Variants in TACC2 observed in about 807,000 individuals in gnomAD.
TACC2 encodes the protein transforming acidic coiled-coil containing protein 2.
A neutral mutation model predicts 227.3 loss-of-function variants in TACC2; 137 were observed. The ratio of observed to expected loss-of-function variants is 0.60; its 90% CI spans 0.52 to 0.69. TACC2 has a LOEUF of 0.69. Ranked by LOEUF, TACC2 falls within the 30% of genes least tolerant of loss-of-function variation. TACC2 has a pLI of 0.00. For missense variants in TACC2, 3,470 were observed against 3,694.4 expected (o/e 0.94, Z 1.57); for synonymous variants, 1,523 against 1,487.5 (o/e 1.02, Z -0.55).
At chr10:122,187,180 A>C (rs1218942316) in intron 7 of TACC2, among the ~76,000 whole-genome samples, 1 of 152,250 alleles carries the variant, frequency 6.6e-6, no homozygotes, top group East Asian at 1.9e-4. Context: ...GAGTTTCAGC[A>C]GACACATGTA....
At chr10:122,118,818 A>G (rs1293685439) in intron 5 of TACC2, among the ~76,000 whole-genome samples, 1 of 152,192 alleles carries the variant, frequency 6.6e-6, no homozygotes, top group Non-Finnish European at 1.5e-5. Context: ...AGCCTGAAAA[A>G]GTTAGAGAGG....
intron 2 of TACC2, among the ~76,000 whole-genome samples, chr10:122,040,664 T>C (rs1230834619): frequency 7.5e-6 from 1 of 133,500 alleles, no homozygotes; most frequent in Non-Finnish European, 1.6e-5. Context: ...AATCCTATTA[T>C]TATAATGATC....
chr10:122,048,715 G>T (rs1401003042), intron 2 of TACC2, among the ~76,000 whole-genome samples: 1 of 152,082 alleles, frequency 6.6e-6, no homozygotes, highest in African/African-American at 2.4e-5. Context: ...CATGCATTTG[G>T]CCCAGAAGAG....
intron 1 of TACC2, among the ~76,000 whole-genome samples, chr10:122,020,993 A>G (rs1957263777): frequency 6.6e-6 from 1 of 152,144 alleles, no homozygotes; most frequent in Non-Finnish European, 1.5e-5. Flanking sequence ...GCACTTTGGG[A>G]GGCCAAGGTG....
intron 1 of TACC2, among the ~76,000 whole-genome samples, chr10:122,014,471 A>G (rs1374117094): frequency 6.6e-6 from 1 of 152,064 alleles, no homozygotes; most frequent in Non-Finnish European, 1.5e-5. Context: ...TCAGCCTCCT[A>G]AAGGGCTGGG....
chr10:122,085,132 C>G lies in TACC2; in HGVS notation c.2632C>G (p.Pro878Ala), dbSNP rs1159498466. ...QGADSSQIHV[P>A]VEPQEDNNLP... ...AGCAGATTCTTCCCAAATCCATGTACCTGTGGAACCTCAGGAAGATAACAA... is the reference window on the plus strand; with the variant it reads ...AGCAGATTCTTCCCAAATCCATGTAGCTGTGGAACCTCAGGAAGATAACAA... The change falls in exon 4 of 23, where the codon CCT becomes GCT. Residue 878 changes from proline (P) to alanine (A), a missense_variant. Pro to Ala is a conservative substitution (Grantham distance 27). Around this residue, in one of 10 missense-constraint regions of TACC2, gnomAD observed 1,924 missense variants for 1,978.3 expected, o/e 0.97. Transcript: ENST00000369005. 2 of 1,614,168 alleles carry G rather than the reference C, an allele frequency of 1.2e-6. No individual in the cohort carries two copies. Among genetic ancestry groups the G allele is most frequent in the Admixed American group, 1.7e-5 (1 of 60,028 alleles).
chr10:122,089,798 C>T (rs369433873), intron 5 of TACC2, among the ~76,000 whole-genome samples: 7 of 151,896 alleles, frequency 4.6e-5, no homozygotes, highest in African/African-American at 1.5e-4. Flanking sequence ...ACCTGTTTTT[C>T]GAGTCTGAAC....
At chr10:122,139,240 AG>A (rs1389227870) in intron 6 of TACC2, among the ~76,000 whole-genome samples, 3 of 152,232 alleles carry the variant, frequency 2.0e-5, no homozygotes, top group Non-Finnish European at 2.9e-5. Flanking sequence ...GACGTGTGCC[AG>A]GGAAGAGCTG....
intron 3 of TACC2, chr10:122,051,730 T>G (rs1335954730): frequency 6.6e-6 from 1 of 151,036 alleles, no homozygotes; most frequent in African/African-American, 2.4e-5. Context: ...CACATGCTAC[T>G]TCATAGCTTT....
intron 5 of TACC2, among the ~76,000 whole-genome samples, chr10:122,099,723 T>A (rs1475967635): frequency 6.6e-6 from 1 of 151,804 alleles, no homozygotes; most frequent in Non-Finnish European, 1.5e-5. Context: ...ACAGCTTAAC[T>A]CAGCTTAACT....
At chr10:122,223,048 TC>T (rs2095552150) in intron 11 of TACC2, among the ~76,000 whole-genome samples, 1 of 137,072 alleles carries the variant, frequency 7.3e-6, no homozygotes, top group African/African-American at 2.8e-5. Flanking sequence ...TCTCTCTCTC[TC>T]TCTCTTTTTT....
intron 3 of TACC2, chr10:122,052,139 G>C: frequency 6.6e-6 from 1 of 152,114 alleles, no homozygotes; most frequent in Non-Finnish European, 1.5e-5. Flanking sequence ...ACTTGGCTCT[G>C]GATGACTATG....
chr10:122,249,036 C>T lies in TACC2; in HGVS notation c.8554-14C>T. ...TCGTGGGCTTGACGCCTGTCCTCTG[C>T]CCTGCTGTGTCAGAATGAAGAGGTG... On this transcript the variant is annotated splice_polypyrimidine_tract_variant and intron_variant, in intron 20 of 22. Coordinates refer to ENST00000369005, the MANE Select transcript of TACC2 (RefSeq NM_206862.4). The T allele has an allele frequency of 6.2e-7, 1 of 1,607,226 alleles. No homozygotes were observed. The highest frequency in any genetic ancestry group is 1.1e-5 in the South Asian group (1 of 89,884).
intron 7 of TACC2, among the ~76,000 whole-genome samples, chr10:122,178,201 CTGTACGGCCTCTT>C (rs1402876252): frequency 1.3e-5 from 2 of 151,224 alleles, no homozygotes; most frequent in Non-Finnish European, 2.9e-5. Flanking sequence ...TGAGGGGTCT[CTGTACGGCCTCTT>C]TTATAAGGGT....
chr10:121,992,645 C>T (rs569780636), intron 1 of TACC2, among the ~76,000 whole-genome samples: 4 of 152,234 alleles, frequency 2.6e-5, no homozygotes, highest in Admixed American at 1.3e-4. Context: ...GCAATTGATC[C>T]AAGTCACTGC....
intron 1 of TACC2, among the ~76,000 whole-genome samples, chr10:122,008,264 A>ATTATTTTTTTTT: frequency 1.5e-5 from 2 of 134,664 alleles, no homozygotes; most frequent in East Asian, 2.1e-4. Context: ...TATTATTATT[A>ATTATTTTTTTTT]TTTTTTTTTT....
intron 2 of TACC2, among the ~76,000 whole-genome samples, chr10:122,028,065 CTTT>C (rs1453933658): frequency 8.7e-5 from 10 of 114,326 alleles, no homozygotes; most frequent in African/African-American, 1.5e-4. Flanking sequence ...TTCTTTTTTT[CTTT>C]TTTCTTTCTT....
intron 1 of TACC2, among the ~76,000 whole-genome samples, chr10:122,020,623 A>G (rs554266519): frequency 6.6e-6 from 1 of 152,308 alleles, no homozygotes; most frequent in East Asian, 1.9e-4. Context: ...TTCCATGAAG[A>G]AATCTTCAAT....
intron 1 of TACC2, among the ~76,000 whole-genome samples, chr10:122,004,187 C>G (rs1467015336): frequency 6.6e-6 from 1 of 151,944 alleles, no homozygotes; most frequent in Non-Finnish European, 1.5e-5. Flanking sequence ...CACCTAAGGT[C>G]AGGAGTTCAA....
Sources: gnomAD v4.1 joint callset for allele counts (sites outside exome capture counted in the v4.1 genomes callset) on GRCh38, gnomAD v4.1.1 for gene constraint, gnomAD v4.1.1 regional missense constraint, MANE v1.5 for transcripts, NCBI Gene and HGNC (gene_info 2026-07-23, HGNC 2026-07-21) for gene names.